RSPO2: variants seen among roughly 807,000 people sequenced by gnomAD.
RSPO2 encodes the protein R-spondin-2.
A neutral mutation model predicts 30.9 loss-of-function variants in RSPO2; 14 were observed. That is an observed-to-expected ratio of 0.45 (90% CI 0.30 to 0.71). The LOEUF is 0.71. Ranked by LOEUF, RSPO2 falls within the 30% of genes least tolerant of loss-of-function variation. The pLI, the probability that RSPO2 is intolerant of heterozygous loss-of-function variation, is 0.08. For synonymous variants in RSPO2, 107 were observed against 96.4 expected (o/e 1.11, Z -0.64); for missense variants, 264 against 301.9 (o/e 0.87, Z 0.93).
At chr8:108,033,006 C>T (rs977549422) in intron 2 of RSPO2, among the ~76,000 whole-genome samples, 6 of 137,384 alleles carry the variant, frequency 4.4e-5, no homozygotes, top group African/African-American at 1.7e-4. Flanking sequence ...GCCAAGATCG[C>T]ACCACTGCAC....
chr8:107,968,118 A>G (rs540188301), intron 3 of RSPO2, among the ~76,000 whole-genome samples: 1 of 152,270 alleles, frequency 6.6e-6, no homozygotes, highest in African/African-American at 2.4e-5. Flanking sequence ...GGGGAAATCA[A>G]TATATCAAAG....
At chr8:107,995,337 A>C (rs1055038876) in intron 2 of RSPO2, among the ~76,000 whole-genome samples, 8 of 152,154 alleles carry the variant, frequency 5.3e-5, no homozygotes, top group African/African-American at 1.7e-4. Context: ...TACAGTTACC[A>C]ATAAAATTCT....
At chr8:107,975,959 G>A (rs768220070) in intron 3 of RSPO2, among the ~76,000 whole-genome samples, 1 of 152,158 alleles carries the variant, frequency 6.6e-6, no homozygotes, top group Non-Finnish European at 1.5e-5. Context: ...ATCAAGTGAC[G>A]GCCAGGGTAT....
At chr8:107,907,791 A>G (rs528089221) in intron 5 of RSPO2, among the ~76,000 whole-genome samples, 1 of 152,262 alleles carries the variant, frequency 6.6e-6, no homozygotes, top group Non-Finnish European at 1.5e-5. Flanking sequence ...GAAGCCTCTG[A>G]CTGTTACTAT....
At chr8:108,067,362 C>A (rs572597124) in intron 2 of RSPO2, among the ~76,000 whole-genome samples, 3 of 152,160 alleles carry the variant, frequency 2.0e-5, no homozygotes, top group Admixed American at 6.5e-5. Context: ...GAAAGAAAAT[C>A]TCTATTTGTA....
intron 2 of RSPO2, among the ~76,000 whole-genome samples, chr8:108,007,809 A>G (rs1815500112): frequency 6.6e-6 from 1 of 152,126 alleles, no homozygotes; most frequent in South Asian, 2.1e-4. Flanking sequence ...CAAGCTGTGC[A>G]CATGCCTGTA....
chr8:108,032,651 G>C (rs1811459922), intron 2 of RSPO2, among the ~76,000 whole-genome samples: 2 of 151,976 alleles, frequency 1.3e-5, no homozygotes, highest in African/African-American at 4.8e-5. Context: ...TTTTTTAAGA[G>C]GTAGGGCCTC....
At chr8:107,947,600 T>C (rs1191228190) in intron 5 of RSPO2, among the ~76,000 whole-genome samples, 2 of 152,148 alleles carry the variant, frequency 1.3e-5, no homozygotes, top group Non-Finnish European at 2.9e-5. Flanking sequence ...GTAAGTATTC[T>C]CTGCTAATTC....
intron 3 of RSPO2, among the ~76,000 whole-genome samples, chr8:107,985,124 GA>G (rs1814580567): frequency 6.6e-6 from 1 of 152,086 alleles, no homozygotes; most frequent in Non-Finnish European, 1.5e-5. Context: ...TTGTGTCAAA[GA>G]AAAAGCATAT....
At chr8:108,049,788 T>C (rs1200826342) in intron 2 of RSPO2, among the ~76,000 whole-genome samples, 2 of 152,160 alleles carry the variant, frequency 1.3e-5, no homozygotes, top group South Asian at 2.1e-4. Flanking sequence ...CACATTTTCT[T>C]TATCCAGTCT....
In RSPO2 at chr8:107,899,402, A is replaced by ACC; in HGVS notation, c.*1671_*1672dup. 6.6e-6 allele frequency: 1 copy of ACC among 152,550 alleles called. No homozygotes were observed. Among genetic ancestry groups the ACC allele is most frequent in the East Asian group, 1.9e-4 (1 of 5,174 alleles). The allele number at this position is 152,550 out of a possible 1,614,324, so 9.4% of individuals were successfully genotyped here. The stretch of plus-strand genomic sequence containing the variant: ...TAACGATGAAGCACTATATAAGGAG[A>ACC]CCCCCTCCCCACTTAGTAAATGGGA... On this transcript the variant is annotated 3_prime_UTR_variant, in exon 6 of 6. Transcript: ENST00000276659.
In RSPO2 at chr8:108,083,260, C is replaced by G. The variant is rs1404654563; in HGVS notation, c.-233G>C. 6.6e-6 allele frequency: 1 copy of G among 152,250 alleles called. No individual in the cohort carries two copies. The highest frequency in any genetic ancestry group is 1.5e-5 in the Non-Finnish European group (1 of 68,068). 9.4% of individuals were successfully genotyped at this position (152,250 alleles called of 1,614,324 possible). A position where few individuals can be genotyped will look rare whatever the true frequency, so the allele number is the denominator to read the frequency against. On this transcript the variant is annotated 5_prime_UTR_variant, in exon 1 of 6. Transcript: ENST00000276659. ...GGTGCTCCATCCCGGGCTCGGGAAG[C>G]GAGCCGCTTGGTTAGCACGTGGGCT...
chr8:107,987,892 A>T (rs1333089662), intron 3 of RSPO2, among the ~76,000 whole-genome samples: 1 of 152,152 alleles, frequency 6.6e-6, no homozygotes, highest in Non-Finnish European at 1.5e-5. Context: ...ACTCTCATAA[A>T]TATGAGATTT....
At chr8:108,006,339 T>C (rs1563560468) in intron 2 of RSPO2, among the ~76,000 whole-genome samples, 1 of 152,056 alleles carries the variant, frequency 6.6e-6, no homozygotes, top group Non-Finnish European at 1.5e-5. Flanking sequence ...ATGTGAAGGT[T>C]AAAGTTTCCT....
At chr8:108,011,134 G>GAAAAAAAAAAAAAAAAAAAAAAAA (rs66722934) in intron 2 of RSPO2, among the ~76,000 whole-genome samples, 1 of 100,456 alleles carries the variant, frequency 1.0e-5, no homozygotes, top group Non-Finnish European at 1.9e-5. Context: ...CTCCGTCCCA[G>GAAAAAAAAAAAAAAAAAAAAAAAA]AAAAAAAAAA....
chr8:107,958,834 A>G (rs1222486224), intron 4 of RSPO2, among the ~76,000 whole-genome samples: 1 of 152,138 alleles, frequency 6.6e-6, no homozygotes, highest in African/African-American at 2.4e-5. Context: ...TGCTGAGCAT[A>G]ATGGCTTCCA....
At chr8:108,063,671 A>G (rs772183893) in intron 2 of RSPO2, among the ~76,000 whole-genome samples, 14 of 151,794 alleles carry the variant, frequency 9.2e-5, no homozygotes, top group Non-Finnish European at 1.9e-4. Context: ...ACAGAATTGG[A>G]AAAACTACTT....
chr8:107,915,956 G>T (rs748317583), intron 5 of RSPO2, among the ~76,000 whole-genome samples: 1 of 152,100 alleles, frequency 6.6e-6, no homozygotes, highest in Admixed American at 6.6e-5. Context: ...CCTAGAAACT[G>T]CATGCTTTCC....
intron 3 of RSPO2, among the ~76,000 whole-genome samples, chr8:107,979,840 C>G (rs1368470644): frequency 1.3e-5 from 2 of 152,090 alleles, no homozygotes; most frequent in Admixed American, 1.3e-4. Context: ...CGGTTTCTGG[C>G]CTGGGATTAC....
Sources: gnomAD v4.1 joint callset for allele counts (sites outside exome capture counted in the v4.1 genomes callset) on GRCh38, gnomAD v4.1.1 for gene constraint, MANE v1.5 for transcripts, NCBI Gene and HGNC (gene_info 2026-07-23, HGNC 2026-07-21) for gene names.